GABBR2: variants seen among roughly 807,000 people sequenced by gnomAD.
The protein encoded by GABBR2 is G-protein coupled receptor 51.
Under a neutral mutation model 105.6 loss-of-function variants are expected in GABBR2, and 23 were observed. That is an observed-to-expected ratio of 0.22 (90% CI 0.16 to 0.31). The LOEUF is 0.31. GABBR2 is among the 10% of genes least tolerant of loss of function. GABBR2 has a pLI of 1.00. For synonymous variants in GABBR2, 478 were observed against 499.7 expected (o/e 0.96, Z 0.58); for missense variants, 734 against 1,245.5 (o/e 0.59, Z 6.18).
chr9:98,482,993 C>G (rs1425461845), intron 4 of GABBR2, among the ~76,000 whole-genome samples: 2 of 152,112 alleles, frequency 1.3e-5, no homozygotes, highest in African/African-American at 4.8e-5. Context: ...CAACTGTTCT[C>G]TGTGTGCTGT....
At chr9:98,436,386 T>C (rs1188222649) in intron 7 of GABBR2, among the ~76,000 whole-genome samples, 3 of 42,108 alleles carry the variant, frequency 7.1e-5, no homozygotes, top group African/African-American at 2.9e-4. Flanking sequence ...TATATATATA[T>C]ATATATATAT....
At chr9:98,606,341 A>G (rs1303524547) in intron 1 of GABBR2, among the ~76,000 whole-genome samples, 2 of 152,208 alleles carry the variant, frequency 1.3e-5, no homozygotes, top group Non-Finnish European at 2.9e-5. Flanking sequence ...TCCCTGAGGA[A>G]TCGCCACACT....
rs963241326 is a variant in GABBR2 at position 98,519,894 on chromosome 9, C to T, written c.630+21979G>A. ...GGGGCTGCATTTGGTCCATAGGCCACAGTTTGCAAACCCCTGTTCTAGACT... is the reference window on the plus strand; with the variant it reads ...GGGGCTGCATTTGGTCCATAGGCCATAGTTTGCAAACCCCTGTTCTAGACT... On this transcript the variant is annotated intron_variant, in intron 3 of 18. Coordinates refer to ENST00000259455, the MANE Select transcript of GABBR2 (RefSeq NM_005458.8). Among the ~76,000 whole-genome samples, 10 of 152,286 alleles carry T rather than the reference C, an allele frequency of 6.6e-5. No individual in the cohort carries two copies. In the South Asian group the frequency reaches 1.2e-3, roughly 19 times the overall value.
At chr9:98,552,588 C>T (rs925235519) in intron 2 of GABBR2, among the ~76,000 whole-genome samples, 3 of 152,236 alleles carry the variant, frequency 2.0e-5, no homozygotes, top group Non-Finnish European at 4.4e-5. Flanking sequence ...ACATAGATGC[C>T]GGTGAGATTA....
intron 1 of GABBR2, among the ~76,000 whole-genome samples, chr9:98,602,445 G>C (rs571693278): frequency 7.8e-6 from 1 of 128,456 alleles, no homozygotes; most frequent in East Asian, 2.4e-4. Flanking sequence ...GGGTGACAGA[G>C]CTAGACTCTG....
At chr9:98,324,920 T>C (rs1830893884) in intron 13 of GABBR2, among the ~76,000 whole-genome samples, 1 of 151,978 alleles carries the variant, frequency 6.6e-6, no homozygotes, top group Non-Finnish European at 1.5e-5. Flanking sequence ...AATGAACCTA[T>C]AAACTTTGTA....
chr9:98,610,621 G>A (rs762003662), intron 1 of GABBR2, among the ~76,000 whole-genome samples: 1 of 152,126 alleles, frequency 6.6e-6, no homozygotes, highest in Non-Finnish European at 1.5e-5. Context: ...ATGTGACCAG[G>A]GAGGTAGAGA....
intron 2 of GABBR2, among the ~76,000 whole-genome samples, chr9:98,575,507 A>C (rs1002131865): frequency 6.6e-6 from 1 of 152,298 alleles, no homozygotes; most frequent in South Asian, 2.1e-4. Context: ...TTCCATCCAC[A>C]CAACAAACCA....
chr9:98,453,604 A>T (rs942453416), intron 7 of GABBR2, among the ~76,000 whole-genome samples: 2 of 152,244 alleles, frequency 1.3e-5, no homozygotes, highest in Non-Finnish European at 2.9e-5. Flanking sequence ...TCTTCATAAC[A>T]GGAGGTAGTT....
At chr9:98,699,813 A>G (rs1312190531) in intron 1 of GABBR2, among the ~76,000 whole-genome samples, 1 of 152,180 alleles carries the variant, frequency 6.6e-6, no homozygotes, top group East Asian at 1.9e-4. Flanking sequence ...CTAGAAAGCC[A>G]GGTACAGACA....
intron 13 of GABBR2, among the ~76,000 whole-genome samples, chr9:98,349,934 T>C (rs138151332): frequency 2.1e-4 from 32 of 152,320 alleles, no homozygotes; most frequent in African/African-American, 6.7e-4. Context: ...TTACTCATTA[T>C]TGGTCTGTGT....
At chr9:98,411,744 A>C (rs1197912518) in intron 7 of GABBR2, among the ~76,000 whole-genome samples, 1 of 151,988 alleles carries the variant, frequency 6.6e-6, no homozygotes, top group Non-Finnish European at 1.5e-5. Context: ...AAAACAATTT[A>C]TTTGTTGTTG....
At position 98,529,875 on chromosome 9, in the gene GABBR2, C is replaced by T. The variant is rs76466834; in HGVS notation, c.630+11998G>A. 5.2e-3 allele frequency among the ~76,000 whole-genome samples: 790 copies of T among 152,294 alleles called. 11 individuals carry two copies. Among genetic ancestry groups the T allele is most frequent in the Middle Eastern group, 0.027 (8 of 294 alleles). ...CAACTTAGAGGCATGCAGGGATCTT[C>T]GCCATCCTTCTTGCCTCCTAGCTCA... is the stretch of plus-strand genomic sequence containing the variant. On this transcript the variant is annotated intron_variant, in intron 3 of 18. Coordinates refer to ENST00000259455, the MANE Select transcript of GABBR2 (RefSeq NM_005458.8).
At chr9:98,627,523 TC>T (rs1454077814) in intron 1 of GABBR2, among the ~76,000 whole-genome samples, 8 of 152,350 alleles carry the variant, frequency 5.3e-5, no homozygotes, top group African/African-American at 1.9e-4. Flanking sequence ...TTGTAAGCTG[TC>T]CCCACTCGGG....
At chr9:98,408,925 C>G (rs915541058) in intron 7 of GABBR2, among the ~76,000 whole-genome samples, 1 of 152,188 alleles carries the variant, frequency 6.6e-6, no homozygotes, top group African/African-American at 2.4e-5. Context: ...TACAGGCACA[C>G]ACATCATTAC....
intron 13 of GABBR2, among the ~76,000 whole-genome samples, chr9:98,317,914 A>G (rs1054810894): frequency 6.6e-6 from 1 of 151,800 alleles, no homozygotes; most frequent in Non-Finnish European, 1.5e-5. Flanking sequence ...GGTGCTAATG[A>G]GGGAAGTTGT....
chr9:98,618,875 C>A (rs1314733939), intron 1 of GABBR2, among the ~76,000 whole-genome samples: 4 of 152,198 alleles, frequency 2.6e-5, no homozygotes, highest in Admixed American at 6.5e-5. Context: ...AACTCTGTGA[C>A]CTAAGGCAAG....
At chr9:98,603,640 T>C (rs1295548497) in intron 1 of GABBR2, among the ~76,000 whole-genome samples, 1 of 152,206 alleles carries the variant, frequency 6.6e-6, no homozygotes, top group African/African-American at 2.4e-5. Flanking sequence ...GCTCCACCAG[T>C]GCACTAGAGA....
chr9:98,522,561 G>A (rs1827888611), intron 3 of GABBR2, among the ~76,000 whole-genome samples: 1 of 152,154 alleles, frequency 6.6e-6, no homozygotes, highest in Non-Finnish European at 1.5e-5. Flanking sequence ...GTAATGTCTA[G>A]AGAGCTTATG....
Sources: gnomAD v4.1 joint callset for allele counts (sites outside exome capture counted in the v4.1 genomes callset) on GRCh38, gnomAD v4.1.1 for gene constraint, MANE v1.5 for transcripts, NCBI Gene and HGNC (gene_info 2026-07-23, HGNC 2026-07-21) for gene names.